The following ALCAM variants were observed in gnomAD, a reference collection of about 807,000 sequenced individuals.
The protein encoded by ALCAM is activated leukocyte cell adhesion molecule.
In ALCAM, 30 loss-of-function variants were observed where a neutral mutation model predicts 70.9. The ratio of observed to expected loss-of-function variants is 0.42; its 90% CI spans 0.32 to 0.57. The LOEUF is 0.57. ALCAM is among the 20% of genes least tolerant of loss of function. ALCAM has a pLI of 0.11. For synonymous variants in ALCAM, 249 were observed against 242.5 expected, an observed-to-expected ratio of 1.03 and a Z score of -0.25; for missense variants, 591 against 695.1, an observed-to-expected ratio of 0.85 and a Z score of 1.68.
intron 1 of ALCAM, chr3:105,439,496 C>T (rs990011707): frequency 6.6e-6 from 1 of 151,860 alleles, no homozygotes; most frequent in African/African-American, 2.4e-5. Flanking sequence ...GTAAGTACTC[C>T]ACAAATTACA....
intron 1 of ALCAM, among the ~76,000 whole-genome samples, chr3:105,397,420 A>C (rs566576687): frequency 6.6e-6 from 1 of 152,204 alleles, no homozygotes; most frequent in South Asian, 2.1e-4. Flanking sequence ...AATAACAAAA[A>C]GTGATAACTC....
chr3:105,531,939 C>A, intron 3 of ALCAM, 63 bp from the exon 4 acceptor site: 2 of 1,288,094 alleles, frequency 1.6e-6, no homozygotes, highest in South Asian at 2.4e-5. Flanking sequence ...TGCTGTGAAT[C>A]AAATCACAGA....
At chr3:105,559,294 CATATATT>C (rs934631098) in intron 14 of ALCAM, among the ~76,000 whole-genome samples, 4 of 143,760 alleles carry the variant, frequency 2.8e-5, no homozygotes, top group African/African-American at 1.0e-4. Context: ...ATAATATATA[CATATATT>C]ATATATATAC....
intron 1 of ALCAM, among the ~76,000 whole-genome samples, chr3:105,513,018 G>A (rs763804679): frequency 2.0e-5 from 3 of 151,686 alleles, no homozygotes; most frequent in Admixed American, 2.0e-4. Flanking sequence ...AAATAGAGGC[G>A]ATTGTTCTTT....
At chr3:105,420,361 C>G (rs1422538956) in intron 1 of ALCAM, among the ~76,000 whole-genome samples, 2 of 151,508 alleles carry the variant, frequency 1.3e-5, no homozygotes, top group Non-Finnish European at 3.0e-5. Flanking sequence ...CAATGTTTTT[C>G]TTTTTAAAGA....
At chr3:105,542,516 C>CA (rs1940145042) in intron 8 of ALCAM, among the ~76,000 whole-genome samples, 1 of 151,768 alleles carries the variant, frequency 6.6e-6, no homozygotes, top group Admixed American at 6.6e-5. Flanking sequence ...ATTCAGAGTG[C>CA]TTTAAGCAAA....
intron 4 of ALCAM, among the ~76,000 whole-genome samples, chr3:105,532,482 G>A (rs1161124730): frequency 1.3e-5 from 2 of 152,098 alleles, no homozygotes; most frequent in Non-Finnish European, 2.9e-5. Context: ...ACATGCCTGT[G>A]GTCCCAGCTG....
intron 1 of ALCAM, among the ~76,000 whole-genome samples, chr3:105,508,201 T>C (rs1371994355): frequency 1.3e-5 from 2 of 152,178 alleles, no homozygotes; most frequent in Non-Finnish European, 2.9e-5. Flanking sequence ...AAAATATTTG[T>C]CTAAATATGA....
chr3:105,504,466 C>T (rs901601981), intron 1 of ALCAM, among the ~76,000 whole-genome samples: 3 of 152,196 alleles, frequency 2.0e-5, no homozygotes, highest in Non-Finnish European at 2.9e-5. Flanking sequence ...TGGGGGAAGC[C>T]AGAAGGAGGA....
chr3:105,529,009 GCACA>G lies in ALCAM; in HGVS notation c.395-2981_395-2978del, dbSNP rs550593828. Among the ~76,000 whole-genome samples the G allele has an allele frequency of 4.0e-5, 6 of 151,386 alleles. No homozygotes were observed. In the East Asian group the frequency reaches 1.2e-3, roughly 29 times the overall value. On this transcript the variant is annotated intron_variant, in intron 3 of 15. Coordinates refer to ENST00000306107, the MANE Select transcript of ALCAM (RefSeq NM_001627.4). ...CTCCAACACACACATGCGTGCACAC[GCACA>G]CACACACACACCTTGTAAAATACTA...
intron 1 of ALCAM, among the ~76,000 whole-genome samples, chr3:105,395,822 T>G (rs1935937565): frequency 6.6e-6 from 1 of 152,034 alleles, no homozygotes; most frequent in South Asian, 2.1e-4. Context: ...TCTTCTTTCT[T>G]TTCATTTGCC....
intron 1 of ALCAM, among the ~76,000 whole-genome samples, chr3:105,376,697 A>G (rs9854028): frequency 0.091 from 13,786 of 152,240 alleles, 696 homozygotes; most frequent in Non-Finnish European, 0.12. Context: ...TTTACAACAA[A>G]GGGGCCAGAT....
At chr3:105,560,477 T>G (rs927050414) in intron 14 of ALCAM, among the ~76,000 whole-genome samples, 11 of 152,176 alleles carry the variant, frequency 7.2e-5, no homozygotes, top group Non-Finnish European at 1.5e-5. Context: ...TTTTTCCCAG[T>G]CTGTAGCCTG....
chr3:105,550,065 T>A, intron 11 of ALCAM, 62 bp from the exon 12 acceptor site: 1 of 1,461,260 alleles, frequency 6.8e-7, no homozygotes, highest in Non-Finnish European at 9.4e-7. Flanking sequence ...TCATCATTAC[T>A]CTTTCCTATG....
intron 1 of ALCAM, among the ~76,000 whole-genome samples, chr3:105,398,741 G>A (rs1559777751): frequency 6.6e-6 from 1 of 152,036 alleles, no homozygotes; most frequent in Non-Finnish European, 1.5e-5. Flanking sequence ...ATGTTTAGGA[G>A]AGCCATTTAT....
At chr3:105,505,014 C>G (rs1480098359) in intron 1 of ALCAM, among the ~76,000 whole-genome samples, 2 of 152,182 alleles carry the variant, frequency 1.3e-5, no homozygotes, top group Non-Finnish European at 2.9e-5. Context: ...TAGAAGTCAC[C>G]TAGCTTATTA....
chr3:105,504,442 T>C (rs565979915), intron 1 of ALCAM, among the ~76,000 whole-genome samples: 15 of 152,100 alleles, frequency 9.9e-5, no homozygotes, highest in Non-Finnish European at 1.9e-4. Flanking sequence ...TTAGTGGAGG[T>C]AGCTCTCAGC....
intron 1 of ALCAM, among the ~76,000 whole-genome samples, chr3:105,462,896 C>T (rs376928728): frequency 1.3e-4 from 19 of 151,428 alleles, no homozygotes; most frequent in Middle Eastern, 3.4e-3. Context: ...GTCTTCTTAT[C>T]CAGGTAGTTT....
At chr3:105,431,722 A>G (rs1055398745) in intron 1 of ALCAM, among the ~76,000 whole-genome samples, 16 of 152,100 alleles carry the variant, frequency 1.1e-4, no homozygotes, top group African/African-American at 1.2e-4. Flanking sequence ...CTAAGCTCTC[A>G]TGGGTGTGTG....
Sources: gnomAD v4.1 joint callset for allele counts (sites outside exome capture counted in the v4.1 genomes callset) on GRCh38, gnomAD v4.1.1 for gene constraint, MANE v1.5 for transcripts, NCBI Gene and HGNC (gene_info 2026-07-23, HGNC 2026-07-21) for gene names.